The following NOX4 variants were observed in gnomAD, a reference collection of about 807,000 sequenced individuals.
The protein encoded by NOX4 is kidney oxidase-1.
A neutral mutation model predicts 87.6 loss-of-function variants in NOX4; 69 were observed. That is an observed-to-expected ratio of 0.79 (90% confidence interval 0.65 to 0.96). The LOEUF is 0.96. Among genes scored for constraint, NOX4 ranks in the 40% least tolerant of loss-of-function variants. The pLI is 0.00. For synonymous variants in NOX4, 275 were observed against 238.2 expected, an observed-to-expected ratio of 1.15 and a Z score of -1.42; for missense variants, 680 against 681.5, an observed-to-expected ratio of 1.00 and a Z score of 0.02.
At chr11:89,467,245 G>A (rs1350852672) in intron 2 of NOX4, among the ~76,000 whole-genome samples, 1 of 150,892 alleles carries the variant, frequency 6.6e-6, no homozygotes, top group African/African-American at 2.4e-5. Flanking sequence ...CAGCTACTAG[G>A]GAGGCTGAGG....
At chr11:89,409,412 C>A (rs1420727585) in intron 8 of NOX4, among the ~76,000 whole-genome samples, 1 of 152,048 alleles carries the variant, frequency 6.6e-6, no homozygotes, top group Non-Finnish European at 1.5e-5. Context: ...TTAAGAAAAT[C>A]CATTAATATA....
chr11:89,461,348 AAAAT>A (rs1439887689), intron 2 of NOX4, among the ~76,000 whole-genome samples: 2 of 152,032 alleles, frequency 1.3e-5, no homozygotes, highest in South Asian at 2.1e-4. Context: ...AATTAATTAA[AAAAT>A]AAATAAATAA....
At chr11:89,558,661 C>A in the NOX4 span, among the ~76,000 whole-genome samples, 1 of 152,094 alleles carries the variant, frequency 6.6e-6, no homozygotes, top group Non-Finnish European at 1.5e-5. Flanking sequence ...TTGAGCCCAT[C>A]TTTATCTCAT....
At chr11:89,515,728 T>C in the NOX4 span, among the ~76,000 whole-genome samples, 1 of 151,986 alleles carries the variant, frequency 6.6e-6, no homozygotes, top group African/African-American at 2.4e-5. Flanking sequence ...TCTATTTTTA[T>C]GTATGGCATG....
At chr11:89,389,407 C>T (rs1940961822) in intron 11 of NOX4, among the ~76,000 whole-genome samples, 1 of 152,166 alleles carries the variant, frequency 6.6e-6, no homozygotes, top group South Asian at 2.1e-4. Flanking sequence ...TAATCTCCAT[C>T]TTAAAAAGTG....
intron 11 of NOX4, among the ~76,000 whole-genome samples, chr11:89,382,577 C>T (rs1288586337): frequency 2.0e-5 from 3 of 151,990 alleles, no homozygotes; most frequent in African/African-American, 7.3e-5. Context: ...CCAAGTGTTG[C>T]TGAGTCTTTT....
chr11:89,454,192 C>A, intron 2 of NOX4, among the ~76,000 whole-genome samples: 1 of 151,940 alleles, frequency 6.6e-6, no homozygotes, highest in East Asian at 1.9e-4. Flanking sequence ...ATGTTTTAAC[C>A]TTTTTCTCTA....
Position 89,335,943 on chromosome 11 carries a change from C to T in NOX4, c.1518G>A (p.Lys506=). 1.3e-6 allele frequency: 2 copies of T among 1,581,164 alleles called. No individual in the cohort carries two copies. Among genetic ancestry groups the T allele is most frequent in the Non-Finnish European group, 1.7e-6 (2 of 1,158,642 alleles). The change falls in exon 17 of 18, where the codon AAG becomes AAA. Residue 506 remains lysine, a splice_region_variant and synonymous_variant. Coordinates refer to ENST00000263317, the MANE Select transcript of NOX4 (RefSeq NM_016931.5). ...GTGCATGATATTTTTCTCCAATTATCTTCTGCCAAAAAGAAAGCACTACAT... is the reference window on the plus strand; with the variant it reads ...GTGCATGATATTTTTCTCCAATTATTTTCTGCCAAAAAGAAAGCACTACAT... ...LYLSQTDGIQ[K]IIGEKYHALN...
the NOX4 span, among the ~76,000 whole-genome samples, chr11:89,525,059 T>C: frequency 6.6e-6 from 1 of 152,056 alleles, no homozygotes; most frequent in Non-Finnish European, 1.5e-5. Context: ...TTATCCATTA[T>C]ATGAATATAA....
chr11:89,450,625 G>A (rs1227620841), intron 3 of NOX4, among the ~76,000 whole-genome samples: 2 of 151,646 alleles, frequency 1.3e-5, no homozygotes, highest in African/African-American at 2.4e-5. Context: ...ACAATGTGCA[G>A]GTTAGTTACA....
At chr11:89,424,744 C>G (rs16913234) in intron 7 of NOX4, among the ~76,000 whole-genome samples, 1 of 151,938 alleles carries the variant, frequency 6.6e-6, no homozygotes, top group Non-Finnish European at 1.5e-5. Context: ...ATTATTTTAA[C>G]AGATTGACCC....
chr11:89,362,073 T>G (rs140883316), intron 12 of NOX4, among the ~76,000 whole-genome samples: 1 of 152,238 alleles, frequency 6.6e-6, no homozygotes, highest in African/African-American at 2.4e-5. Context: ...TTGTTGAACC[T>G]GCCTTGTTTC....
rs376140435 is a variant in NOX4, at chr11:89,451,872, G to T, written c.177C>A (p.Ala59=). Reference sequence around the variant, plus strand: ...AGTTGAGGTTAAGAACAGATGCTGAGGCTCTGCTTAGACACAATCCTAGCT... The same window carrying T: ...AGTTGAGGTTAAGAACAGATGCTGATGCTCTGCTTAGACACAATCCTAGCT... ...MLGLGLCLSR[A]SASVLNLNCS... The change falls in exon 3 of 18, where the codon GCC becomes GCA. Residue 59 remains alanine, a synonymous_variant. Coordinates refer to ENST00000263317, the MANE Select transcript of NOX4 (RefSeq NM_016931.5). 2 of 1,612,834 alleles carry T rather than the reference G, an allele frequency of 1.2e-6. No individual in the cohort carries two copies. The highest frequency in any genetic ancestry group is 1.3e-5 in the African/African-American group (1 of 74,856).
the NOX4 span, among the ~76,000 whole-genome samples, chr11:89,549,002 A>G: frequency 6.6e-6 from 1 of 152,336 alleles, no homozygotes; most frequent in South Asian, 2.1e-4. Context: ...ACCATATATA[A>G]CAAATCTCAA....
chr11:89,500,093 T>C (rs1947001093), upstream of NOX4, among the ~76,000 whole-genome samples: 1 of 152,188 alleles, frequency 6.6e-6, no homozygotes, highest in East Asian at 1.9e-4. Context: ...GCCTAGCATA[T>C]CAGGACTATT....
the NOX4 span, among the ~76,000 whole-genome samples, chr11:89,564,242 C>T: frequency 6.6e-6 from 1 of 152,160 alleles, no homozygotes; most frequent in Non-Finnish European, 1.5e-5. Flanking sequence ...GTTTGATTGG[C>T]TTGCAGTTCT....
chr11:89,571,487 G>A, the NOX4 span, among the ~76,000 whole-genome samples: 1 of 151,880 alleles, frequency 6.6e-6, no homozygotes, highest in Non-Finnish European at 1.5e-5. Flanking sequence ...AGTAGAGACG[G>A]CATTTCACCA....
intron 8 of NOX4, among the ~76,000 whole-genome samples, chr11:89,411,625 CA>C (rs1436413374): frequency 2.0e-5 from 3 of 152,080 alleles, no homozygotes; most frequent in Non-Finnish European, 4.4e-5. Flanking sequence ...ATATTGGTTG[CA>C]AGCCTCATTG....
At chr11:89,427,180 A>G (rs557715008) in intron 7 of NOX4, among the ~76,000 whole-genome samples, 4 of 152,298 alleles carry the variant, frequency 2.6e-5, no homozygotes, top group African/African-American at 9.6e-5. Context: ...TAGAAGGAAA[A>G]CTAACAAACA....
Sources: gnomAD v4.1 joint callset for allele counts (sites outside exome capture counted in the v4.1 genomes callset) on GRCh38, gnomAD v4.1.1 for gene constraint, MANE v1.5 for transcripts, NCBI Gene and HGNC (gene_info 2026-07-23, HGNC 2026-07-21) for gene names.